Variants in PCLO observed in about 807,000 individuals in gnomAD.
The protein encoded by PCLO is piccolo presynaptic cytomatrix protein, also known as protein piccolo.
A neutral mutation model predicts 427.5 loss-of-function variants in PCLO; 82 were observed. The ratio of observed to expected loss-of-function variants is 0.19; its 90% CI spans 0.16 to 0.23. The LOEUF is 0.23. Among genes scored for constraint, PCLO ranks in the 10% least tolerant of loss-of-function variants. The probability of loss-of-function intolerance (pLI) is 1.00; values close to 1 mark genes in which losing one functional copy is unlikely to be tolerated. For synonymous variants in PCLO, 2,357 were observed against 2,155.4 expected (o/e 1.09, Z -2.59); for missense variants, 6,239 against 6,115.9 (o/e 1.02, Z -0.67).
chr7:83,162,684 C>A lies in PCLO; in HGVS notation c.-92G>T, dbSNP rs1165247667. On this transcript the variant is annotated 5_prime_UTR_variant, in exon 1 of 25. Transcript: ENST00000333891. ...CCAGGGGAGCAGTCAGAGCCGGGGT[C>A]CGCCTCGGGGCGTGCAGGCAGCCGA... 7.0e-6 allele frequency: 10 copies of A among 1,435,606 alleles called. No individual in the cohort carries two copies. Among genetic ancestry groups the A allele is most frequent in the Non-Finnish European group, 9.1e-6 (10 of 1,093,420 alleles). The allele number at this position is 1,435,606 out of a possible 1,614,324, so 88.9% of individuals were successfully genotyped here.
intron 3 of PCLO, among the ~76,000 whole-genome samples, chr7:83,077,683 G>T (rs1789991436): frequency 6.6e-6 from 1 of 152,088 alleles, no homozygotes; most frequent in African/African-American, 2.4e-5. Context: ...AGTGCCAGGA[G>T]GCGTTCTCCC....
chr7:82,822,903 G>A (rs1225173836), intron 19 of PCLO, among the ~76,000 whole-genome samples: 1 of 152,076 alleles, frequency 6.6e-6, no homozygotes, highest in Non-Finnish European at 1.5e-5. Context: ...AATGAGAAGA[G>A]AGAACTTTGA....
At chr7:83,029,865 A>G (rs1282690008) in intron 3 of PCLO, among the ~76,000 whole-genome samples, 2 of 148,106 alleles carry the variant, frequency 1.4e-5, no homozygotes, top group Non-Finnish European at 3.0e-5. Context: ...GCAAGAACAA[A>G]AAACCAAACA....
chr7:83,005,573 C>T (rs776782077), intron 3 of PCLO, among the ~76,000 whole-genome samples: 2 of 151,538 alleles, frequency 1.3e-5, no homozygotes, highest in African/African-American at 2.4e-5. Context: ...AGTACCCTCA[C>T]CACCAGGGGG....
At chr7:82,772,701 A>G (rs1790671818) in intron 22 of PCLO, among the ~76,000 whole-genome samples, 2 of 151,762 alleles carry the variant, frequency 1.3e-5, no homozygotes, top group South Asian at 2.1e-4. Context: ...CACAATTTTA[A>G]GCAGAAGAAA....
At chr7:83,123,975 A>AAAAT in intron 3 of PCLO, among the ~76,000 whole-genome samples, 1 of 149,512 alleles carries the variant, frequency 6.7e-6, no homozygotes, top group South Asian at 2.1e-4. Context: ...AAAAAAAAAA[A>AAAAT]AAAAAGGCAA....
chr7:82,968,339 T>G (rs992844463), intron 3 of PCLO, among the ~76,000 whole-genome samples: 2 of 152,146 alleles, frequency 1.3e-5, no homozygotes, highest in Non-Finnish European at 2.9e-5. Flanking sequence ...TAAAAGTCAT[T>G]GGAAAGAAGA....
At position 82,953,510 on chromosome 7, in the gene PCLO, A is replaced by C; in HGVS notation, c.7443T>G (p.Thr2481=). 1.2e-6 allele frequency: 2 copies of C among 1,613,596 alleles called. No individual in the cohort carries two copies. Among genetic ancestry groups the C allele is most frequent in the African/African-American group, 1.3e-5 (1 of 74,918 alleles). The change falls in exon 5 of 25, where the codon ACT becomes ACG. Residue 2481 remains threonine (T), a synonymous_variant. Coordinates refer to ENST00000333891, the MANE Select transcript of PCLO (RefSeq NM_033026.6). Reference sequence around the variant, plus strand: ...GCTTAGGAGGAACAGGAGGAGGTGCAGTAGTACATATTCTTGTAACAGGTA... The same window carrying C: ...GCTTAGGAGGAACAGGAGGAGGTGCCGTAGTACATATTCTTGTAACAGGTA... ...NGLPVTRICT[T]APPPVPPKPS... is the part of the protein sequence containing the mutation.
chr7:83,156,402 T>TAA lies in PCLO; in HGVS notation c.249-11_249-10insTT. 1 of 1,281,848 alleles carries TAA rather than the reference T, an allele frequency of 7.8e-7. No homozygotes were observed. The highest frequency in any genetic ancestry group is 2.1e-5 in the South Asian group (1 of 46,876). 79.4% of individuals were successfully genotyped at this position (1,281,848 alleles called of 1,614,324 possible). A position where few individuals can be genotyped will look rare whatever the true frequency, so the allele number is the denominator to read the frequency against. On this transcript the variant is annotated splice_polypyrimidine_tract_variant and intron_variant, in intron 1 of 24. Transcript: ENST00000333891. ...ATCCAACTCTTGTTTCCTAGAAGAG[T>TAA]TAAAAAAAAAAAAAAAAATCAAGTG...
At chr7:83,157,629 CA>C (rs1379067285) in intron 1 of PCLO, among the ~76,000 whole-genome samples, 1 of 151,566 alleles carries the variant, frequency 6.6e-6, no homozygotes, top group Admixed American at 6.6e-5. Context: ...AGCCAAAAGT[CA>C]TATTAAATAC....
intron 3 of PCLO, among the ~76,000 whole-genome samples, chr7:83,038,087 TTA>T (rs200769328): frequency 0.083 from 5,394 of 65,204 alleles, 568 homozygotes; most frequent in East Asian, 0.32. Flanking sequence ...ATATATATCT[TTA>T]TATATATATA....
chr7:82,892,986 C>G (rs1008509402), intron 9 of PCLO, among the ~76,000 whole-genome samples: 2 of 152,116 alleles, frequency 1.3e-5, no homozygotes, highest in African/African-American at 4.8e-5. Flanking sequence ...GGACTGTAAA[C>G]TGTTCAACCA....
intron 3 of PCLO, among the ~76,000 whole-genome samples, chr7:83,105,394 C>T (rs1428890022): frequency 2.0e-5 from 3 of 152,110 alleles, no homozygotes; most frequent in Non-Finnish European, 4.4e-5. Context: ...CATATCCCTG[C>T]GTATTAGCTA....
intron 15 of PCLO, among the ~76,000 whole-genome samples, chr7:82,836,536 G>A (rs1333017241): frequency 6.6e-6 from 1 of 151,954 alleles, no homozygotes; most frequent in African/African-American, 2.4e-5. Flanking sequence ...AAAATTATTG[G>A]TTTTTCAAAA....
intron 16 of PCLO, among the ~76,000 whole-genome samples, chr7:82,828,951 T>C (rs1250242379): frequency 1.3e-5 from 2 of 152,170 alleles, no homozygotes; most frequent in Non-Finnish European, 2.9e-5. Context: ...TTTCACAAGT[T>C]GCCTTTCCCT....
chr7:82,944,295 A>T (rs919745850), intron 6 of PCLO, among the ~76,000 whole-genome samples: 1 of 151,936 alleles, frequency 6.6e-6, no homozygotes, highest in Admixed American at 6.6e-5. Context: ...AAATTATTTG[A>T]TGGATAAAGA....
In PCLO at chr7:83,135,386, G is replaced by C. The variant is rs1791698273; in HGVS notation, c.2164C>G (p.Gln722Glu). ...GACAAAGAATCTGCCTCAGGGGGCTGCTTGGCCTTGGCTGAAGGAGAGCCA... is the reference window on the plus strand; with the variant it reads ...GACAAAGAATCTGCCTCAGGGGGCTCCTTGGCCTTGGCTGAAGGAGAGCCA... ...LHGSPSAKAK[Q>E]PPEADSLSKP... The change falls in exon 3 of 25, where the codon CAG becomes GAG. Residue 722 changes from glutamine to glutamate, a missense_variant. Physicochemically the swap from Gln to Glu is conservative, Grantham distance 29. This residue lies in a region of PCLO where 4,677 missense variants were observed against 4,468.4 expected (regional missense o/e 1.05). Coordinates refer to ENST00000333891, the MANE Select transcript of PCLO (RefSeq NM_033026.6). 6.2e-7 allele frequency: 1 copy of C among 1,613,882 alleles called. No individual in the cohort carries two copies. Among genetic ancestry groups the C allele is most frequent in the South Asian group, 1.1e-5 (1 of 91,086 alleles).
chr7:82,793,493 A>T (rs1791150586), intron 22 of PCLO, among the ~76,000 whole-genome samples: 1 of 152,100 alleles, frequency 6.6e-6, no homozygotes, highest in South Asian at 2.1e-4. Flanking sequence ...CTGGAGACAA[A>T]CGCCATTCGA....
rs1795752214 is a variant in PCLO, at chr7:82,965,813, G to T, written c.3975C>A (p.Cys1325Ter). The part of the protein sequence containing the change: ...KTIKEQPQPP[C>*]TAKPDQVEPG... ...GTTCCACCTGATCAGGTTTTGCTGT[G>T]CATGGTGGCTGTGGCTGTTCTTTTA... The change falls in exon 4 of 25, where the codon TGC becomes TGA. Residue 1325 changes from cysteine to a stop codon, truncating the protein, a stop_gained. Coordinates refer to ENST00000333891, the MANE Select transcript of PCLO (RefSeq NM_033026.6). LOFTEE classifies it high-confidence loss of function. The T allele has an allele frequency of 6.2e-7, 1 of 1,613,318 alleles. No individual in the cohort carries two copies.
Sources: allele counts gnomAD v4.1 joint callset (sites outside exome capture counted in the v4.1 genomes callset), GRCh38; gene constraint gnomAD v4.1.1; regional missense constraint gnomAD v4.1.1; transcripts MANE v1.5; gene names NCBI Gene and HGNC (gene_info 2026-07-23, HGNC 2026-07-21).